The following FAM53A variants were observed in gnomAD, a reference collection of about 807,000 sequenced individuals.
FAM53A encodes the protein protein FAM53A.
Under a neutral mutation model 26.6 loss-of-function variants are expected in FAM53A, and 28 were observed. That is an observed-to-expected ratio of 1.05 (90% confidence interval 0.78 to 1.45). The LOEUF (loss-of-function observed/expected upper bound fraction) is 1.45, where lower values mean the gene tolerates loss of function less well. Ranked by LOEUF, FAM53A falls within the 40% of genes most tolerant of loss-of-function variation. The pLI is 0.00. For synonymous variants in FAM53A, 290 were observed against 253.1 expected (o/e 1.15, Z -1.38); for missense variants, 650 against 575.8 (o/e 1.13, Z -1.32).
At chr4:1,626,324 C>G (rs1483409347) in intron 1 of FAM53A, among the ~76,000 whole-genome samples, 1 of 152,252 alleles carries the variant, frequency 6.6e-6, no homozygotes, top group African/African-American at 2.4e-5. Context: ...GGCTTTCCTT[C>G]CACAGCATCT....
chr4:1,645,596 G>A (rs892350847), intron 4 of FAM53A, among the ~76,000 whole-genome samples: 15 of 152,188 alleles, frequency 9.9e-5, no homozygotes, highest in South Asian at 8.3e-4. Context: ...CGCCCTGACC[G>A]TGCAGCCACT....
At chr4:1,614,614 AGCCGTCGCT>A (rs1714743368), downstream of FAM53A, among the ~76,000 whole-genome samples, 1 of 152,134 alleles carries the variant, frequency 6.6e-6, no homozygotes, top group Non-Finnish European at 1.5e-5. Context: ...GCGCCAGGTC[AGCCGTCGCT>A]GCCCCTGGGG....
the FAM53A span, among the ~76,000 whole-genome samples, chr4:1,584,809 C>T: frequency 6.6e-6 from 1 of 152,258 alleles, no homozygotes; most frequent in Non-Finnish European, 1.5e-5. Flanking sequence ...GCTGCATGGC[C>T]TTCTCTGACC....
At position 1,641,327 on chromosome 4, in the gene FAM53A, C is replaced by T. The variant is rs759997946; in HGVS notation, c.1163G>A (p.Trp388Ter). The part of the protein sequence containing the change: ...GEEGVFPRAR[W>*]ELDLEQIENN ...CTCGATCTGCTCCAGGTCCAGCTCC[C>T]AGCGGGCCCGGGGGAAGACGCCCTC... The change falls in exon 5 of 5, where the codon TGG (tryptophan) becomes TAG (stop). Residue 388 changes from tryptophan (W) to a stop codon, truncating the protein, a stop_gained. Transcript: ENST00000308132. LOFTEE classifies it high-confidence loss of function. 139 of 1,612,264 alleles carry T rather than the reference C, an allele frequency of 8.6e-5. 2 individuals carry two copies. In the South Asian group the frequency reaches 1.4e-3, roughly 16 times the overall value.
At chr4:1,592,329 G>A in the FAM53A span, among the ~76,000 whole-genome samples, 2 of 152,222 alleles carry the variant, frequency 1.3e-5, no homozygotes, top group East Asian at 1.9e-4. Flanking sequence ...CTCCGTGGGC[G>A]GAGCGAGGGC....
downstream of FAM53A, among the ~76,000 whole-genome samples, chr4:1,616,127 G>T (rs984805841): frequency 1.3e-5 from 2 of 152,228 alleles, no homozygotes; most frequent in African/African-American, 4.8e-5. Flanking sequence ...GCAAGACGAA[G>T]GGGTGGGCAC....
downstream of FAM53A, among the ~76,000 whole-genome samples, chr4:1,638,226 A>G (rs1715934147): frequency 6.6e-6 from 1 of 152,028 alleles, no homozygotes; most frequent in Non-Finnish European, 1.5e-5. Context: ...AAACACGCAG[A>G]CACGCCCAAG....
chr4:1,602,804 C>T, the FAM53A span, among the ~76,000 whole-genome samples: 1 of 152,112 alleles, frequency 6.6e-6, no homozygotes, highest in African/African-American at 2.4e-5. Flanking sequence ...AGGAGGTCCA[C>T]TAGGGCCCCA....
rs373370972 is a variant in FAM53A, at chr4:1,655,512, C to T, written c.348G>A (p.Pro116=). The change falls in exon 4 of 5, where the codon CCG becomes CCA. Residue 116 remains proline (P), a synonymous_variant. Transcript: ENST00000308132. ...ACAAGGACCGGCAATGCCGCTTGGT[C>T]GGTGGGGCCGTGGACGAGCCTGTGC... is the stretch of plus-strand genomic sequence containing the variant. The part of the protein sequence containing the change: ...SESTGSSTAP[P]TKRHCRSLSE... 172 of 1,568,160 alleles carry T rather than the reference C, an allele frequency of 1.1e-4. No individual in the cohort carries two copies. Among genetic ancestry groups the T allele is most frequent in the Non-Finnish European group, 1.4e-4 (160 of 1,156,252 alleles).
intron 4 of FAM53A, among the ~76,000 whole-genome samples, chr4:1,649,584 A>G (rs1408133227): frequency 3.9e-5 from 6 of 152,186 alleles, no homozygotes; most frequent in Non-Finnish European, 8.8e-5. Flanking sequence ...CACTGGGGTC[A>G]CTCATTATGG....
At chr4:1,634,763 G>C (rs1032372720) in intron 1 of FAM53A, among the ~76,000 whole-genome samples, 4 of 152,074 alleles carry the variant, frequency 2.6e-5, no homozygotes, top group African/African-American at 9.7e-5. Flanking sequence ...AGCCAGGCAT[G>C]GTGGTGCGCG....
At chr4:1,683,666 G>A (rs1715611176) in intron 1 of FAM53A, 1 of 152,194 alleles carries the variant, frequency 6.6e-6, no homozygotes, top group African/African-American at 2.4e-5. Context: ...CAAAGAAGAG[G>A]CACCAAGGAT....
chr4:1,576,814 C>T, the FAM53A span, among the ~76,000 whole-genome samples: 1 of 152,152 alleles, frequency 6.6e-6, no homozygotes, highest in African/African-American at 2.4e-5. Context: ...GTGGCGGAAG[C>T]CCGGAGAGTT....
chr4:1,581,337 G>C, the FAM53A span, among the ~76,000 whole-genome samples: 1 of 151,860 alleles, frequency 6.6e-6, no homozygotes, highest in East Asian at 1.9e-4. Context: ...CGCCTCCTGT[G>C]GTCTTGCATG....
intron 1 of FAM53A, 171 bp downstream of exon 1, chr4:1,684,062 G>T (rs1360026113): frequency 6.6e-6 from 1 of 152,140 alleles, no homozygotes; most frequent in Non-Finnish European, 1.5e-5. Flanking sequence ...CGCAGACGGC[G>T]GAGGCAGGGG....
At chr4:1,597,034 G>A in the FAM53A span, among the ~76,000 whole-genome samples, 1 of 152,182 alleles carries the variant, frequency 6.6e-6, no homozygotes. Flanking sequence ...AGGCCACCAA[G>A]GCTCCGAGAG....
the FAM53A span, among the ~76,000 whole-genome samples, chr4:1,609,858 G>A: frequency 6.6e-6 from 1 of 152,032 alleles, no homozygotes; most frequent in Admixed American, 6.6e-5. Flanking sequence ...AGCTACTCGG[G>A]AGGCTAAGGT....
At position 1,630,395 on chromosome 4, in the gene FAM53A, C is replaced by T. The variant is rs541302639; in HGVS notation, c.432-12284G>A. The stretch of plus-strand genomic sequence containing the variant: ...AGCCAAGGTCTACACAAATGCACGT[C>T]GGGGAGTTCCCATCAAACTCTACGG... On this transcript the variant is annotated intron_variant, in intron 1 of 1. Coordinates refer to the FAM53A transcript ENST00000489029. The surrounding 1 kb of genome is among the most constrained non-coding windows in gnomAD (Gnocchi z 4.3). Among the ~76,000 whole-genome samples, 2 of 152,340 alleles carry T rather than the reference C, an allele frequency of 1.3e-5. No individual in the cohort carries two copies. Among genetic ancestry groups the T allele is most frequent in the East Asian group, 1.9e-4 (1 of 5,186 alleles).
At chr4:1,683,272 G>A (rs563952699) in intron 1 of FAM53A, 3 of 152,334 alleles carry the variant, frequency 2.0e-5, no homozygotes, top group Admixed American at 2.0e-4. Flanking sequence ...CCTTCAGGGT[G>A]CAAGGGTGCA....
Sources: gnomAD v4.1 joint callset for allele counts (sites outside exome capture counted in the v4.1 genomes callset) on GRCh38, gnomAD v4.1.1 for gene constraint, Gnocchi (gnomAD v3.1) non-coding constraint, MANE v1.5 for transcripts, NCBI Gene and HGNC (gene_info 2026-07-23, HGNC 2026-07-21) for gene names.